ANK2: variants seen among roughly 807,000 people sequenced by gnomAD.
ANK2 encodes the protein ankyrin 2.
ANK2 carries 83 observed loss-of-function variants against 360.5 expected under a neutral mutation model. That is an observed-to-expected ratio of 0.23 (90% CI 0.19 to 0.28). The LOEUF (loss-of-function observed/expected upper bound fraction) is 0.28. Among genes scored for constraint, ANK2 ranks in the 10% least tolerant of loss-of-function variants. The pLI, the probability that ANK2 is intolerant of heterozygous loss-of-function variation, is 1.00. For synonymous variants in ANK2, 1,740 were observed against 1,759.5 expected, an observed-to-expected ratio of 0.99 and a Z score of 0.28; for missense variants, 4,201 against 4,795.7, an observed-to-expected ratio of 0.88 and a Z score of 3.66.
At chr4:113,364,617 C>T (rs1172169854) in intron 40 of ANK2, among the ~76,000 whole-genome samples, 1 of 152,202 alleles carries the variant, frequency 6.6e-6, no homozygotes, top group Non-Finnish European at 1.5e-5. Flanking sequence ...CTACATTTAT[C>T]ATTCCTTGTC....
intron 1 of ANK2, chr4:113,106,916 A>T: frequency 1.9e-6 from 1 of 533,622 alleles, no homozygotes; most frequent in Non-Finnish European, 3.8e-6. Flanking sequence ...CTGCCTATTT[A>T]TTACTTTGCT....
At position 113,237,117 on chromosome 4, in the gene ANK2, C is replaced by A. The variant is rs1060501163; in HGVS notation, c.614C>A (p.Thr205Asn). The change falls in exon 6 of 46, where the codon ACC (threonine) becomes AAC (asparagine). Residue 205 changes from threonine to asparagine, a missense_variant. By Grantham distance (65) the Thr-to-Asn change is moderately conservative (BLOSUM62 0). Coordinates refer to ENST00000357077, the MANE Select transcript of ANK2 (RefSeq NM_001148.6). ...ALHIAARKDD[T>N]KSAALLLQND... The stretch of plus-strand genomic sequence containing the variant: ...CATATTGCCGCTAGGAAAGACGACA[C>A]CAAATCTGCCGCACTTCTGCTTCAG... 6.2e-7 allele frequency: 1 copy of A among 1,614,168 alleles called. No homozygotes were observed. The highest frequency in any genetic ancestry group is 8.5e-7 in the Non-Finnish European group (1 of 1,180,020).
At chr4:113,031,866 T>C (rs1395495821) in intron 2 of ANK2, among the ~76,000 whole-genome samples, 1 of 151,888 alleles carries the variant, frequency 6.6e-6, no homozygotes, top group Non-Finnish European at 1.5e-5. Context: ...GGAAACTCTA[T>C]GTGTGCTTTT....
chr4:113,151,080 G>A (rs1562438000), intron 1 of ANK2: 2 of 1,288,554 alleles, frequency 1.6e-6, no homozygotes, highest in Non-Finnish European at 2.0e-6. Context: ...CCCACTACAG[G>A]TGACATGCCC....
At chr4:113,052,900 A>G (rs1010098441) in intron 1 of ANK2, among the ~76,000 whole-genome samples, 13 of 152,212 alleles carry the variant, frequency 8.5e-5, no homozygotes, top group African/African-American at 3.1e-4. Context: ...CCCAGAAAGC[A>G]GGAACAATTC....
chr4:113,312,411 C>G (rs1347918160), intron 24 of ANK2, among the ~76,000 whole-genome samples: 1 of 152,000 alleles, frequency 6.6e-6, no homozygotes. Flanking sequence ...AGCATAGAGT[C>G]TAAGAAATAA....
At chr4:113,160,292 TG>T in intron 1 of ANK2, 1 of 404,490 alleles carries the variant, frequency 2.5e-6, no homozygotes, top group East Asian at 8.9e-5. Context: ...CTCAAACTCC[TG>T]GAGCTCAAGT....
intron 2 of ANK2, among the ~76,000 whole-genome samples, chr4:112,906,042 C>T (rs2085081407): frequency 6.6e-6 from 1 of 152,138 alleles, no homozygotes; most frequent in Admixed American, 6.6e-5. Context: ...TATTCCAATA[C>T]ATTTTGCTTC....
intron 1 of ANK2, among the ~76,000 whole-genome samples, chr4:113,119,988 C>T (rs529722081): frequency 4.7e-4 from 71 of 151,928 alleles, no homozygotes; most frequent in Admixed American, 9.2e-4. Context: ...GACTATAACC[C>T]CTCTACCAAG....
intron 29 of ANK2, among the ~76,000 whole-genome samples, chr4:113,335,208 T>C (rs1356984939): frequency 6.6e-6 from 1 of 152,196 alleles, no homozygotes; most frequent in Non-Finnish European, 1.5e-5. Context: ...ATGTTAAATG[T>C]TATTTTTGGA....
At position 113,302,761 on chromosome 4, in the gene ANK2, T is replaced by C. The variant is rs2153793959; in HGVS notation, c.2476-6T>C. 1 of 1,612,172 alleles carries C rather than the reference T, an allele frequency of 6.2e-7. No individual in the cohort carries two copies. ...ACTTGAACATTAATGATTTTTGTTT[T>C]TCCAGACTATTACAGAAAAACACAA... On this transcript the variant is annotated splice_polypyrimidine_tract_variant and splice_region_variant and intron_variant, in intron 22 of 45. Transcript: ENST00000357077.
intron 2 of ANK2, among the ~76,000 whole-genome samples, chr4:113,008,135 G>A (rs2053548574): frequency 6.8e-6 from 1 of 146,322 alleles, no homozygotes; most frequent in African/African-American, 2.5e-5. Context: ...AACTGAATGA[G>A]TCTTTCCTTT....
At chr4:113,076,568 A>G (rs2080090122) in intron 1 of ANK2, among the ~76,000 whole-genome samples, 1 of 152,120 alleles carries the variant, frequency 6.6e-6, no homozygotes, top group South Asian at 2.1e-4. Flanking sequence ...GGCTGAGGTG[A>G]GAGGATTACT....
At chr4:112,985,221 A>G (rs2154275363) in intron 2 of ANK2, among the ~76,000 whole-genome samples, 1 of 151,942 alleles carries the variant, frequency 6.6e-6, no homozygotes, top group South Asian at 2.1e-4. Flanking sequence ...AACCTAAACC[A>G]CTCCAACTGA....
At chr4:112,784,545 A>G in the ANK2 span, among the ~76,000 whole-genome samples, 3 of 151,614 alleles carry the variant, frequency 2.0e-5, no homozygotes, top group Admixed American at 6.6e-5. Context: ...GGGTTTCACC[A>G]TGTTAGCCAG....
chr4:113,228,215 G>A (rs959399747), intron 4 of ANK2, among the ~76,000 whole-genome samples: 16 of 151,980 alleles, frequency 1.1e-4, no homozygotes, highest in African/African-American at 3.9e-4. Flanking sequence ...AGGTTTTAAG[G>A]GAACAGGTGG....
At chr4:113,000,245 G>C (rs1486806333) in intron 2 of ANK2, among the ~76,000 whole-genome samples, 2 of 152,180 alleles carry the variant, frequency 1.3e-5, no homozygotes, top group Non-Finnish European at 2.9e-5. Context: ...GACTCATCTT[G>C]GTGCCAGCTG....
chr4:113,270,479 T>C (rs1563307151), intron 14 of ANK2, among the ~76,000 whole-genome samples: 1 of 152,218 alleles, frequency 6.6e-6, no homozygotes, highest in Non-Finnish European at 1.5e-5. Flanking sequence ...TACTTCTCTT[T>C]TGCAACTACA....
intron 2 of ANK2, among the ~76,000 whole-genome samples, chr4:112,993,404 G>A (rs1335058575): frequency 6.6e-6 from 1 of 151,960 alleles, no homozygotes; most frequent in African/African-American, 2.4e-5. Context: ...CCAGGTTCAA[G>A]CAATTCTCTG....
Sources: allele counts gnomAD v4.1 joint callset (sites outside exome capture counted in the v4.1 genomes callset), GRCh38; gene constraint gnomAD v4.1.1; transcripts MANE v1.5; gene names NCBI Gene and HGNC (gene_info 2026-07-23, HGNC 2026-07-21).